Variants in PRKX observed in about 807,000 individuals in gnomAD.
PRKX encodes the protein protein kinase cAMP-dependent X-linked catalytic subunit, also known as cAMP-dependent protein kinase catalytic subunit PRKX.
PRKX carries 12 observed loss-of-function variants against 22.0 expected under a neutral mutation model. The ratio of observed to expected loss-of-function variants is 0.54; its 90% CI spans 0.35 to 0.88. PRKX has a LOEUF of 0.88. Ranked by LOEUF, PRKX falls within the 40% of genes least tolerant of loss-of-function variation. PRKX has a pLI of 0.01. For synonymous variants in PRKX, 134 were observed against 137.7 expected (o/e 0.97, Z 0.19); for missense variants, 217 against 308.0 (o/e 0.70, Z 2.21).
chrX:3,689,395 T>C (rs1322418689), intron 1 of PRKX, among the ~76,000 whole-genome samples: 8 of 111,927 alleles, frequency 7.1e-5, no homozygotes, highest in Non-Finnish European at 1.5e-4. Context: ...TAAAAAAGAG[T>C]GTGTGTTGCC....
chrX:3,662,399 A>C (rs1436050622), intron 2 of PRKX, among the ~76,000 whole-genome samples: 1 of 111,025 alleles, frequency 9.0e-6, no homozygotes, highest in Admixed American at 9.6e-5. Flanking sequence ...GTCTCTACAA[A>C]AAATTAAAAA....
chrX:3,685,821 G>A (rs762725747), intron 1 of PRKX, among the ~76,000 whole-genome samples: 2 of 111,969 alleles, frequency 1.8e-5, no homozygotes, highest in Admixed American at 9.5e-5. Flanking sequence ...CAAGGCAGGT[G>A]GATCACTGGA....
intron 4 of PRKX, among the ~76,000 whole-genome samples, chrX:3,639,959 C>G (rs1280108220): frequency 9.0e-6 from 1 of 111,393 alleles, no homozygotes; most frequent in East Asian, 2.9e-4. Context: ...GTGCTCCCCA[C>G]CAGCAGGACC....
At chrX:3,701,155 C>G (rs1184300325) in intron 1 of PRKX, among the ~76,000 whole-genome samples, 1 of 109,929 alleles carries the variant, frequency 9.1e-6, no homozygotes, top group Admixed American at 9.8e-5. Context: ...GTCACTAAGG[C>G]TGGAGTGCAG....
chrX:3,658,670 C>T (rs1603474189), intron 2 of PRKX, among the ~76,000 whole-genome samples: 1 of 111,007 alleles, frequency 9.0e-6, no homozygotes, highest in African/African-American at 3.3e-5. Context: ...CAGTAGAAGA[C>T]ACCCAATAGA....
intron 2 of PRKX, among the ~76,000 whole-genome samples, chrX:3,660,594 TC>T (rs773327258): frequency 8.9e-6 from 1 of 111,769 alleles, no homozygotes; most frequent in Non-Finnish European, 1.9e-5. Context: ...TCTGCACAGA[TC>T]CTCTTAAGAA....
At chrX:3,701,304 C>T in intron 1 of PRKX, among the ~76,000 whole-genome samples, 1 of 111,435 alleles carries the variant, frequency 9.0e-6, no homozygotes. Context: ...CAAGGTCTCA[C>T]TATGTTGTCC....
intron 1 of PRKX, among the ~76,000 whole-genome samples, chrX:3,682,132 C>G (rs6641837): frequency 0.16 from 17,433 of 109,792 alleles, 1,200 homozygotes; most frequent in East Asian, 0.41. Flanking sequence ...GGGATGGGGT[C>G]AGGAAGGTGA....
At chrX:3,710,221 C>A (rs1928761327) in intron 1 of PRKX, among the ~76,000 whole-genome samples, 1 of 111,836 alleles carries the variant, frequency 8.9e-6, no homozygotes, top group Non-Finnish European at 1.9e-5. Context: ...CTGTTCTGAT[C>A]CAAAGTTCCT....
At chrX:3,704,486 G>A (rs899703766) in intron 1 of PRKX, among the ~76,000 whole-genome samples, 1 of 111,120 alleles carries the variant, frequency 9.0e-6, no homozygotes, top group African/African-American at 3.3e-5. Context: ...GCAACATGAC[G>A]AGACTATCTC....
intron 2 of PRKX, among the ~76,000 whole-genome samples, chrX:3,664,650 T>G (rs1311702093): frequency 8.9e-6 from 1 of 112,328 alleles, no homozygotes; most frequent in Admixed American, 9.5e-5. Context: ...AATAAAATCA[T>G]GTCTTTTGCA....
chrX:3,626,101 G>A (rs1354462695), intron 5 of PRKX, among the ~76,000 whole-genome samples: 3 of 111,774 alleles, frequency 2.7e-5, no homozygotes, highest in Non-Finnish European at 5.6e-5. Flanking sequence ...CACAGAACTA[G>A]GAGGATCCTT....
chrX:3,702,723 T>TCA (rs1434010060), intron 1 of PRKX, among the ~76,000 whole-genome samples: 1 of 97,002 alleles, frequency 1.0e-5, no homozygotes, highest in Non-Finnish European at 2.1e-5. Context: ...AGGCAGGGTC[T>TCA]CACTCTGTCA....
At chrX:3,633,012 G>C (rs1489166975) in intron 4 of PRKX, among the ~76,000 whole-genome samples, 1 of 111,354 alleles carries the variant, frequency 9.0e-6, no homozygotes, top group Non-Finnish European at 1.9e-5. Flanking sequence ...GAGCCCAGGA[G>C]TTCAAGACCA....
chrX:3,635,198 G>C (rs1299761217), intron 4 of PRKX, among the ~76,000 whole-genome samples: 1 of 111,861 alleles, frequency 8.9e-6, no homozygotes, highest in Non-Finnish European at 1.9e-5. Context: ...AGTTCTGTGG[G>C]TTGTTAATAA....
At chrX:3,689,908 C>T (rs1422273303) in intron 1 of PRKX, among the ~76,000 whole-genome samples, 1 of 110,672 alleles carries the variant, frequency 9.0e-6, no homozygotes, top group Admixed American at 9.7e-5. Flanking sequence ...ACCCGGGAGG[C>T]AGAGCTTGCA....
At chrX:3,622,139 G>A (rs746642785) in intron 5 of PRKX, among the ~76,000 whole-genome samples, 33 of 108,939 alleles carry the variant, frequency 3.0e-4, no homozygotes, top group African/African-American at 1.1e-3. Context: ...GGTAGAGTCA[G>A]TCTCAAAAAA....
Position 3,607,089 on chromosome X carries a change from GTACTTTT to G in PRKX, c.*1873_*1879del, listed in dbSNP as rs1490820064. On this transcript the variant is annotated 3_prime_UTR_variant, in exon 9 of 9. Coordinates refer to ENST00000262848, the MANE Select transcript of PRKX (RefSeq NM_005044.5). ...TAGGCATATGGACTCATGGATTTAT[GTACTTTT>G]TAAAGTGTGCTCAAGTGTTTCATTT... is the stretch of plus-strand genomic sequence containing the variant. 2 of 111,900 alleles carry G rather than the reference GTACTTTT, an allele frequency of 1.8e-5. No homozygotes were observed. Among genetic ancestry groups the G allele is most frequent in the Admixed American group, 9.5e-5 (1 of 10,514 alleles). 9.2% of individuals were successfully genotyped at this position (111,900 alleles called of 1,213,427 possible). A position where few individuals can be genotyped will look rare whatever the true frequency, so the allele number is the denominator to read the frequency against.
chrX:3,624,932 C>G (rs1432387980), intron 5 of PRKX, among the ~76,000 whole-genome samples: 1 of 111,277 alleles, frequency 9.0e-6, no homozygotes, highest in African/African-American at 3.3e-5. Flanking sequence ...TGGCCAAACT[C>G]GATCATAAAA....
Sources: allele counts gnomAD v4.1 joint callset (sites outside exome capture counted in the v4.1 genomes callset), GRCh38; gene constraint gnomAD v4.1.1; transcripts MANE v1.5; gene names NCBI Gene and HGNC (gene_info 2026-07-23, HGNC 2026-07-21).